The following ATP9B variants were observed in gnomAD, a reference collection of about 807,000 sequenced individuals.
ATP9B encodes probable phospholipid-transporting ATPase IIB.
A neutral mutation model predicts 146.1 loss-of-function variants in ATP9B; 110 were observed. That is an observed-to-expected ratio of 0.75 (90% CI 0.65 to 0.88). The LOEUF is 0.88. ATP9B is among the 40% of genes least tolerant of loss of function. ATP9B has a pLI of 0.00. For synonymous variants in ATP9B, 604 were observed against 569.7 expected (o/e 1.06, Z -0.86); for missense variants, 1,499 against 1,496.4 (o/e 1.00, Z -0.03).
At chr18:79,172,213 T>TTTTTC (rs1285183558) in intron 7 of ATP9B, among the ~76,000 whole-genome samples, 1 of 145,636 alleles carries the variant, frequency 6.9e-6, no homozygotes, top group Non-Finnish European at 1.5e-5. Flanking sequence ...TGCCCCGCCC[T>TTTTTC]TGCGATCCGC....
chr18:79,077,632 C>G (rs1281134908), intron 1 of ATP9B, among the ~76,000 whole-genome samples: 1 of 152,164 alleles, frequency 6.6e-6, no homozygotes, highest in Non-Finnish European at 1.5e-5. Context: ...CAAAGCAGAC[C>G]AGAACAAACC....
Position 79,201,616 on chromosome 18 carries a change from G to A in ATP9B, c.955-5321G>A, listed in dbSNP as rs568771801. ...GATGGAGTCTTGCTGTGTTGCCCAG[G>A]CTGGAGTGCAGTGGCGTGATCTCGG... On this transcript the variant is annotated intron_variant, in intron 9 of 29. Coordinates refer to ENST00000426216, the MANE Select transcript of ATP9B (RefSeq NM_198531.5). Among the ~76,000 whole-genome samples the A allele has an allele frequency of 2.3e-4, 35 of 152,186 alleles. No individual in the cohort carries two copies. In the South Asian group the frequency reaches 7.1e-3, roughly 31 times the overall value.
chr18:79,349,745 C>T (rs537463741), intron 25 of ATP9B, among the ~76,000 whole-genome samples: 3 of 152,270 alleles, frequency 2.0e-5, no homozygotes, highest in African/African-American at 7.2e-5. Context: ...GTCCAAGGAG[C>T]ATGCACAGAG....
intron 12 of ATP9B, among the ~76,000 whole-genome samples, chr18:79,259,225 C>A (rs1389904178): frequency 6.6e-6 from 1 of 152,092 alleles, no homozygotes; most frequent in South Asian, 2.1e-4. Context: ...CATATATGTT[C>A]CCTAAATCCT....
At chr18:79,142,612 A>G (rs2094527917) in intron 5 of ATP9B, among the ~76,000 whole-genome samples, 1 of 152,192 alleles carries the variant, frequency 6.6e-6, no homozygotes. Context: ...ATTAAAGTGG[A>G]CATTTTATTA....
intron 17 of ATP9B, among the ~76,000 whole-genome samples, chr18:79,332,243 C>T (rs994920780): frequency 6.6e-6 from 1 of 152,118 alleles, no homozygotes; most frequent in Non-Finnish European, 1.5e-5. Context: ...TCCTGGCTAA[C>T]ACGGTGAAAC....
intron 17 of ATP9B, among the ~76,000 whole-genome samples, chr18:79,334,401 T>TAGTTTGGAC (rs4024078): frequency 0.41 from 61,886 of 151,666 alleles, 12,747 homozygotes; most frequent in Middle Eastern, 0.53. Context: ...CAAAAATTGA[T>TAGTTTGGAC]AGTTATACAG....
intron 11 of ATP9B, among the ~76,000 whole-genome samples, chr18:79,221,631 G>A (rs565948687): frequency 6.6e-6 from 1 of 152,222 alleles, no homozygotes; most frequent in South Asian, 2.1e-4. Flanking sequence ...TGACGTGGGA[G>A]GATCACCTGA....
intron 12 of ATP9B, among the ~76,000 whole-genome samples, chr18:79,256,257 C>CCATATATATATATATATATATAGA (rs1262664506): frequency 1.0e-5 from 1 of 100,398 alleles, no homozygotes; most frequent in African/African-American, 4.6e-5. Context: ...TTCTAGCTAG[C>CCATATATATATATATATATATAGA]TATATATATA....
chr18:79,250,197 C>T (rs2096009005), intron 11 of ATP9B, among the ~76,000 whole-genome samples: 1 of 152,178 alleles, frequency 6.6e-6, no homozygotes, highest in Non-Finnish European at 1.5e-5. Flanking sequence ...TGAAAGGAAA[C>T]TTTGTATTCA....
intron 13 of ATP9B, among the ~76,000 whole-genome samples, chr18:79,277,862 A>G (rs2096330849): frequency 6.6e-6 from 1 of 152,252 alleles, no homozygotes; most frequent in Non-Finnish European, 1.5e-5. Flanking sequence ...AACTAAAAAT[A>G]AAAGAATACT....
intron 2 of ATP9B, 31 bp from the exon 3 acceptor site, chr18:79,110,324 A>G (rs373917546): frequency 6.6e-7 from 1 of 1,504,336 alleles, no homozygotes; most frequent in Admixed American, 2.4e-5. Context: ...GCAAAAAAAA[A>G]TACACAATAC....
chr18:79,174,114 G>T, intron 7 of ATP9B: 1 of 356,678 alleles, frequency 2.8e-6, no homozygotes. Context: ...CTTTATTTAG[G>T]AAGAATAAGA....
chr18:79,126,399 C>T (rs1190908518), intron 5 of ATP9B, 24 bp downstream of exon 5: 3 of 1,511,812 alleles, frequency 2.0e-6, no homozygotes, highest in Non-Finnish European at 2.7e-6. Context: ...TTTAATCCTG[C>T]TTAGCGTTTG....
chr18:79,100,308 G>GTGT (rs1375325099), intron 2 of ATP9B, among the ~76,000 whole-genome samples: 2 of 152,194 alleles, frequency 1.3e-5, no homozygotes, highest in Non-Finnish European at 2.9e-5. Context: ...GTTCAAATCT[G>GTGT]TGTTGCTGTT....
intron 1 of ATP9B, among the ~76,000 whole-genome samples, chr18:79,074,560 G>T (rs1330623699): frequency 6.6e-6 from 1 of 152,224 alleles, no homozygotes; most frequent in Non-Finnish European, 1.5e-5. Context: ...GGGCATGAGG[G>T]GCACAGAGCC....
chr18:79,109,855 C>G (rs1480418430), intron 2 of ATP9B, among the ~76,000 whole-genome samples: 1 of 152,130 alleles, frequency 6.6e-6, no homozygotes. Context: ...TGTGAGCCAC[C>G]ACGCCTGGCC....
chr18:79,070,544 G>T (rs1457218036), intron 1 of ATP9B, among the ~76,000 whole-genome samples: 1 of 152,148 alleles, frequency 6.6e-6, no homozygotes, highest in Non-Finnish European at 1.5e-5. Context: ...GGTTGGAAGT[G>T]GGTTCTGGTG....
At chr18:79,203,308 G>A (rs772282521) in intron 9 of ATP9B, among the ~76,000 whole-genome samples, 60 of 151,862 alleles carry the variant, frequency 4.0e-4, no homozygotes, top group Non-Finnish European at 8.8e-5. Context: ...GCAGGTACCC[G>A]ATGCTTCTTA....
Sources: allele counts gnomAD v4.1 joint callset (sites outside exome capture counted in the v4.1 genomes callset), GRCh38; gene constraint gnomAD v4.1.1; transcripts MANE v1.5; gene names NCBI Gene and HGNC (gene_info 2026-07-23, HGNC 2026-07-21).